Variants in PARP14 observed in about 807,000 individuals in gnomAD.
PARP14 encodes the protein poly(ADP-ribose) polymerase family member 14, also known as protein mono-ADP-ribosyltransferase PARP14.
PARP14 carries 59 observed loss-of-function variants against 154.2 expected under a neutral mutation model. The ratio of observed to expected loss-of-function variants is 0.38; its 90% CI spans 0.31 to 0.48. The LOEUF (loss-of-function observed/expected upper bound fraction) is 0.48. PARP14 is among the 20% of genes least tolerant of loss of function. The pLI, the probability that PARP14 is intolerant of heterozygous loss-of-function variation, is 0.98. For missense variants in PARP14, 1,734 were observed against 2,131.6 expected, an observed-to-expected ratio of 0.81 and a Z score of 3.67; for synonymous variants, 720 against 780.5, an observed-to-expected ratio of 0.92 and a Z score of 1.29.
intron 15 of PARP14, among the ~76,000 whole-genome samples, chr3:122,725,511 T>TA (rs1215803481): frequency 6.6e-6 from 1 of 152,246 alleles, no homozygotes; most frequent in African/African-American, 2.4e-5. Flanking sequence ...AGTACATTCT[T>TA]ACTTGTTTCA....
rs528973595 is a variant in PARP14 at position 122,718,858 on chromosome 3, C to T, written c.4707C>T (p.Val1569=). The T allele has an allele frequency of 6.2e-7, 1 of 1,613,888 alleles. No individual in the cohort carries two copies. Among genetic ancestry groups the T allele is most frequent in the Admixed American group, 1.7e-5 (1 of 60,004 alleles). ...ARREKKKTVD[V]KINHRHYTVN... is the part of the protein sequence containing the mutation. ...GAGAAAAGAAAAAAACAGTTGATGT[C>T]AAAATTAATCATCGGCACTACACAG... Residue 1569 remains valine (V), a synonymous_variant, in exon 14 of 17, where the codon GTC becomes GTT. Coordinates refer to ENST00000474629, the MANE Select transcript of PARP14 (RefSeq NM_017554.3).
chr3:122,724,721 G>A (rs1933246355), intron 15 of PARP14, among the ~76,000 whole-genome samples: 1 of 151,622 alleles, frequency 6.6e-6, no homozygotes, highest in African/African-American at 2.4e-5. Context: ...AGGGTCATAG[G>A]ATAATAGTGG....
intron 5 of PARP14, among the ~76,000 whole-genome samples, chr3:122,697,260 C>T (rs1938808950): frequency 6.6e-6 from 1 of 152,176 alleles, no homozygotes; most frequent in South Asian, 2.1e-4. Flanking sequence ...AGCTTAGCTT[C>T]TCCTTCTTTT....
rs776895236 is a variant in PARP14 at position 122,703,922 on chromosome 3, T to C, written c.3262T>C (p.Tyr1088His). 5.6e-6 allele frequency: 9 copies of C among 1,613,886 alleles called. No homozygotes were observed. The highest frequency in any genetic ancestry group is 7.6e-6 in the Non-Finnish European group (9 of 1,179,882). ...KTSSWNLDCR[Y>H]VLHVVAPEWR... ...CAGCAGCTGGAATCTGGACTGTCGC[T>C]ATGTGCTTCACGTGGTAGCTCCGGA... is the stretch of plus-strand genomic sequence containing the variant. Residue 1088 changes from tyrosine to histidine, a missense_variant, in exon 7 of 17, where the codon TAT becomes CAT. Around this residue, in one of 2 missense-constraint regions of PARP14, gnomAD observed 1,646 missense variants for 1,976.0 expected, o/e 0.83. Transcript: ENST00000474629.
chr3:122,693,184 A>T (rs1317423302), intron 4 of PARP14, among the ~76,000 whole-genome samples: 1 of 152,174 alleles, frequency 6.6e-6, no homozygotes, highest in Non-Finnish European at 1.5e-5. Context: ...TGTCCTTAGC[A>T]CTTTCATGGT....
intron 3 of PARP14, among the ~76,000 whole-genome samples, chr3:122,688,509 A>G (rs1938443555): frequency 6.6e-6 from 1 of 152,174 alleles, no homozygotes; most frequent in Non-Finnish European, 1.5e-5. Context: ...GACTCTAAGG[A>G]TAGTAGCCAG....
At chr3:122,717,616 T>C (rs564947034) in intron 12 of PARP14, among the ~76,000 whole-genome samples, 1 of 152,248 alleles carries the variant, frequency 6.6e-6, no homozygotes, top group Non-Finnish European at 1.5e-5. Context: ...TAAGGATACA[T>C]ACATAAAATC....
In PARP14 at chr3:122,701,538, C is replaced by T. The variant is rs1938977975; in HGVS notation, c.2984C>T (p.Ala995Val). Residue 995 changes from alanine to valine, a missense_variant, in exon 6 of 17, where the codon GCA becomes GTA. Ala to Val is a moderately conservative substitution (Grantham distance 64). Transcript: ENST00000474629. The surrounding 1 kb of genome is among the most constrained non-coding windows in gnomAD (Gnocchi z 4.0). ...TAAPPGLPPA[A>V]AGPGKTSWEK... is the part of the protein sequence containing the mutation. Reference sequence around the variant, plus strand: ...GCCCCGCCAGGTTTACCACCAGCAGCAGCGGGGCCTGGGAAAACATCATGG... The same window carrying T: ...GCCCCGCCAGGTTTACCACCAGCAGTAGCGGGGCCTGGGAAAACATCATGG... 2.5e-6 allele frequency: 4 copies of T among 1,612,250 alleles called. No homozygotes were observed. Among genetic ancestry groups the T allele is most frequent in the African/African-American group, 1.3e-5 (1 of 75,024 alleles).
intron 4 of PARP14, among the ~76,000 whole-genome samples, chr3:122,693,080 G>T (rs1269012326): frequency 6.6e-6 from 1 of 152,174 alleles, no homozygotes; most frequent in Non-Finnish European, 1.5e-5. Flanking sequence ...TACAGTTGGG[G>T]AGACAAAACA....
intron 1 of PARP14, among the ~76,000 whole-genome samples, chr3:122,683,007 A>C (rs1938261599): frequency 1.3e-5 from 2 of 152,194 alleles, no homozygotes; most frequent in African/African-American, 4.8e-5. Flanking sequence ...GTGAGGTGAG[A>C]TCGCACCACT....
intron 9 of PARP14, 75 bp from the exon 10 acceptor site, chr3:122,713,349 C>A: frequency 1.6e-6 from 2 of 1,241,286 alleles, no homozygotes; most frequent in Non-Finnish European, 1.1e-6. Flanking sequence ...CCAAGAGGGT[C>A]CCATGTGAGC....
intron 6 of PARP14, among the ~76,000 whole-genome samples, chr3:122,703,452 A>C (rs1939050406): frequency 6.6e-6 from 1 of 152,098 alleles, no homozygotes; most frequent in Non-Finnish European, 1.5e-5. Flanking sequence ...CCATTTCTCA[A>C]ACCCCACATT....
chr3:122,709,551 GAT>G (rs1939256850), intron 9 of PARP14, among the ~76,000 whole-genome samples: 1 of 152,150 alleles, frequency 6.6e-6, no homozygotes, highest in African/African-American at 2.4e-5. Context: ...GCTTTGGGTA[GAT>G]ACCCAGTAGT....
chr3:122,686,573 C>G (rs1208467318), intron 2 of PARP14, among the ~76,000 whole-genome samples: 1 of 152,198 alleles, frequency 6.6e-6, no homozygotes, highest in Non-Finnish European at 1.5e-5. Flanking sequence ...ATCCTCCTGC[C>G]TCAGCCTCCC....
At chr3:122,689,095 C>T (rs924723916) in intron 3 of PARP14, among the ~76,000 whole-genome samples, 1 of 152,118 alleles carries the variant, frequency 6.6e-6, no homozygotes, top group East Asian at 1.9e-4. Flanking sequence ...AATCCATATC[C>T]CCAGCCTGGA....
At position 122,681,063 on chromosome 3, in the gene PARP14, G is replaced by C; in HGVS notation, c.180G>C (p.Pro60=). 6.2e-7 allele frequency: 1 copy of C among 1,613,244 alleles called. No homozygotes were observed. Among genetic ancestry groups the C allele is most frequent in the East Asian group, 2.2e-5 (1 of 44,868 alleles). ...CCCGCTTCCTGGTGTTCTTCTACCC[G>C]GAGGACGGTGAGGGGCGCGAGGGGT... ...SPSRFLVFFY[P]EDVRQKVLER... Residue 60 remains proline (P), a synonymous_variant, in exon 1 of 17, where the codon CCG becomes CCC. Coordinates refer to ENST00000474629, the MANE Select transcript of PARP14 (RefSeq NM_017554.3). This position sits in a 1 kb window ranked among gnomAD's most constrained non-coding sequence, Gnocchi z 5.5.
chr3:122,682,814 A>G (rs551349364), intron 1 of PARP14, among the ~76,000 whole-genome samples: 30 of 152,180 alleles, frequency 2.0e-4, no homozygotes, highest in African/African-American at 6.7e-4. Context: ...GCACTTTGGG[A>G]GGCTGAGGCA....
chr3:122,704,603 T>C lies in PARP14; in HGVS notation c.3395T>C (p.Ile1132Thr), dbSNP rs777649662. ...TTAAAATCAATTGCATTTCCAGCAA[T>C]AGGAACAGGAAACTTGGGATTTCCT... ...LSLKSIAFPA[I>T]GTGNLGFPKN... Residue 1132 changes from isoleucine (I) to threonine (T), a missense_variant, in exon 8 of 17, where the codon ATA becomes ACA. Physicochemically the swap from Ile to Thr is moderately conservative, Grantham distance 89. This residue lies in a region of PARP14 where 1,646 missense variants were observed against 1,976.0 expected (regional missense o/e 0.83). Transcript: ENST00000474629. 6 of 1,608,310 alleles carry C rather than the reference T, an allele frequency of 3.7e-6. No individual in the cohort carries two copies. Among genetic ancestry groups the C allele is most frequent in the Non-Finnish European group, 8.5e-7 (1 of 1,176,910 alleles).
chr3:122,714,189 T>C (rs1271549166), intron 11 of PARP14, 73 bp from the exon 12 acceptor site: 13 of 1,257,410 alleles, frequency 1.0e-5, no homozygotes, highest in Non-Finnish European at 1.3e-5. Flanking sequence ...TGCCAAGTTA[T>C]ACATTTTGCT....
Sources: gnomAD v4.1 joint callset for allele counts (sites outside exome capture counted in the v4.1 genomes callset) on GRCh38, gnomAD v4.1.1 for gene constraint, gnomAD v4.1.1 regional missense constraint, Gnocchi (gnomAD v3.1) non-coding constraint, MANE v1.5 for transcripts, NCBI Gene and HGNC (gene_info 2026-07-23, HGNC 2026-07-21) for gene names.